Variants in PTPRU observed in about 807,000 individuals in gnomAD.
The protein encoded by PTPRU is receptor-type tyrosine-protein phosphatase U.
PTPRU carries 69 observed loss-of-function variants against 166.3 expected under a neutral mutation model. The observed-to-expected ratio is 0.41, with a 90% CI of 0.34 to 0.51. The LOEUF (loss-of-function observed/expected upper bound fraction) is 0.51. PTPRU is among the 20% of genes least tolerant of loss of function. The probability of loss-of-function intolerance (pLI) is 0.09; values close to 1 mark genes in which losing one functional copy is unlikely to be tolerated. For synonymous variants in PTPRU, 793 were observed against 814.0 expected (o/e 0.97, Z 0.44); for missense variants, 1,657 against 2,013.7 (o/e 0.82, Z 3.39).
intron 18 of PTPRU, among the ~76,000 whole-genome samples, chr1:29,310,450 T>C (rs1211053725): frequency 1.3e-5 from 2 of 152,124 alleles, no homozygotes; most frequent in East Asian, 3.9e-4. Flanking sequence ...GATGCCTCTC[T>C]CCACTTTATG....
At chr1:29,277,030 G>C (rs1249207271) in intron 8 of PTPRU, among the ~76,000 whole-genome samples, 1 of 152,144 alleles carries the variant, frequency 6.6e-6, no homozygotes, top group Admixed American at 6.5e-5. Flanking sequence ...TGTTATTTCT[G>C]TTATAATTTC....
At chr1:29,246,896 A>G (rs1684321798) in intron 1 of PTPRU, among the ~76,000 whole-genome samples, 1 of 152,082 alleles carries the variant, frequency 6.6e-6, no homozygotes, top group Non-Finnish European at 1.5e-5. Context: ...GATTACGGGC[A>G]TGAGCTACTG....
At chr1:29,269,239 TA>T (rs1557430850) in intron 7 of PTPRU, among the ~76,000 whole-genome samples, 230 of 48,700 alleles carry the variant, frequency 4.7e-3, no homozygotes, top group Admixed American at 8.3e-3. Context: ...TATATATATA[TA>T]TATATATTTT....
intron 1 of PTPRU, among the ~76,000 whole-genome samples, chr1:29,245,983 T>C (rs1255183575): frequency 6.6e-6 from 1 of 152,274 alleles, no homozygotes; most frequent in Non-Finnish European, 1.5e-5. Context: ...ACAGATGGCA[T>C]GCTACCACAA....
Position 29,315,915 on chromosome 1 carries a change from T to A in PTPRU, c.3364-87T>A. 1 of 1,505,250 alleles carries A rather than the reference T, an allele frequency of 6.6e-7. No individual in the cohort carries two copies. Among genetic ancestry groups the A allele is most frequent in the East Asian group, 2.3e-5 (1 of 43,552 alleles). The allele number at this position is 1,505,250 out of a possible 1,614,324, so 93.2% of individuals were successfully genotyped here. On this transcript the variant is annotated intron_variant, in intron 23 of 29. Coordinates refer to ENST00000373779, the MANE Select transcript of PTPRU (RefSeq NM_133178.4). The surrounding 1 kb of genome is among the most constrained non-coding windows in gnomAD (Gnocchi z 4.5). ...TGGCCTCCACCTCAGGACACCCTGC[T>A]TCAACCTTGAGCTTGCTTAAGCCCC...
chr1:29,260,735 A>C lies in PTPRU; in HGVS notation c.976A>C (p.Met326Leu), dbSNP rs1184974004. 3 of 1,610,220 alleles carry C rather than the reference A, an allele frequency of 1.9e-6. No homozygotes were observed. In the East Asian group the frequency reaches 6.7e-5, roughly 36 times the overall value. ...PIVRKEIEYR[M>L]ARGPWAEVHA... is the part of the protein sequence containing the mutation. ...CGTGCGCAAGGAGATTGAGTACCGC[A>C]TGGCGCGCGGGCCCTGGGCTGAGGT... Residue 326 changes from methionine to leucine, a missense_variant, in exon 7 of 30, where the codon ATG becomes CTG. By Grantham distance (15) the Met-to-Leu change is conservative. Around this residue, in one of 3 missense-constraint regions of PTPRU, gnomAD observed 453 missense variants for 496.9 expected, o/e 0.91. Transcript: ENST00000373779. This position sits in a 1 kb window ranked among gnomAD's most constrained non-coding sequence, Gnocchi z 8.3.
intron 28 of PTPRU, 150 bp downstream of exon 28, chr1:29,323,938 A>G (rs1574738578): frequency 1.9e-6 from 2 of 1,054,996 alleles, no homozygotes; most frequent in Non-Finnish European, 2.7e-6. Flanking sequence ...ATGCTGCCCA[A>G]CCAGCCAAGG....
intron 25 of PTPRU, 116 bp downstream of exon 25, chr1:29,318,037 T>A: frequency 7.4e-7 from 1 of 1,352,608 alleles, no homozygotes; most frequent in Middle Eastern, 1.9e-4. Flanking sequence ...CTGCCCATTC[T>A]GGGGAACAGG....
chr1:29,298,878 T>C (rs1386555062), intron 15 of PTPRU, among the ~76,000 whole-genome samples: 2 of 152,140 alleles, frequency 1.3e-5, no homozygotes, highest in Non-Finnish European at 2.9e-5. Flanking sequence ...GCCCCTGCCA[T>C]ACGGATATTC....
chr1:29,314,869 G>A (rs756993674), intron 22 of PTPRU, among the ~76,000 whole-genome samples: 11 of 152,142 alleles, frequency 7.2e-5, no homozygotes, highest in East Asian at 1.9e-4. Flanking sequence ...CTGAGCCACC[G>A]TGCCTGGCCA....
At chr1:29,308,560 C>T (rs1687504255) in intron 18 of PTPRU, among the ~76,000 whole-genome samples, 1 of 95,108 alleles carries the variant, frequency 1.1e-5, no homozygotes, top group Admixed American at 1.1e-4. Flanking sequence ...GAGCCAGTCC[C>T]TGTCTCAAAA....
intron 7 of PTPRU, among the ~76,000 whole-genome samples, chr1:29,268,469 A>C (rs891610487): frequency 6.6e-6 from 1 of 152,210 alleles, no homozygotes; most frequent in Admixed American, 6.5e-5. Flanking sequence ...CAATGCACAG[A>C]CAGCCACATA....
rs143670953 is a variant in PTPRU, at chr1:29,312,654, C to T, written c.3175C>T (p.Arg1059Cys). The T allele has an allele frequency of 8.3e-5, 134 of 1,611,520 alleles. No individual in the cohort carries two copies. Among genetic ancestry groups the T allele is most frequent in the Non-Finnish European group, 1.1e-4 (125 of 1,178,326 alleles). The change falls in exon 22 of 30, where the codon CGC (arginine) becomes TGC (cysteine). Residue 1059 changes from arginine (R) to cysteine (C), a missense_variant. Physicochemically the swap from Arg to Cys is radical, Grantham distance 180. Coordinates refer to ENST00000373779, the MANE Select transcript of PTPRU (RefSeq NM_133178.4). ...CACGGGGCTGCTGGCTTTCATCCGG[C>T]GCGTGAAGGCCTCCACCCCACCTGA... ...HATGLLAFIR[R>C]VKASTPPDAG... is the part of the protein sequence containing the mutation.
chr1:29,278,087 C>T (rs1685900454), intron 8 of PTPRU, among the ~76,000 whole-genome samples: 1 of 152,022 alleles, frequency 6.6e-6, no homozygotes, highest in Non-Finnish European at 1.5e-5. Context: ...CCCAAAGGTG[C>T]TGGGATTACA....
At chr1:29,256,829 C>T (rs1038470780) in intron 2 of PTPRU, among the ~76,000 whole-genome samples, 2 of 152,148 alleles carry the variant, frequency 1.3e-5, no homozygotes, top group Non-Finnish European at 2.9e-5. Context: ...ATAGTACTGA[C>T]CACCCTGAGT....
At chr1:29,273,342 C>G (rs572255810) in intron 7 of PTPRU, among the ~76,000 whole-genome samples, 2 of 152,188 alleles carry the variant, frequency 1.3e-5, no homozygotes, top group Non-Finnish European at 2.9e-5. Flanking sequence ...GATCATGGCT[C>G]ACTGCAGCCT....
At chr1:29,299,189 TCCAAA>T (rs1213895540) in intron 15 of PTPRU, among the ~76,000 whole-genome samples, 2 of 152,144 alleles carry the variant, frequency 1.3e-5, no homozygotes, top group African/African-American at 4.8e-5. Flanking sequence ...TCTCTCTGAC[TCCAAA>T]CCTAGTGTTC....
At position 29,258,642 on chromosome 1, in the gene PTPRU, G is replaced by A; in HGVS notation, c.343G>A (p.Gly115Ser). ...FLYSRDGHSP[G>S]TLGVYVRVNG... ...GTACAGCCGGGACGGGCACAGCCCG[G>A]GCACCCTGGGCGTCTACGTGCGCGT... The change falls in exon 3 of 30, where the codon GGC becomes AGC. Residue 115 changes from glycine to serine, a missense_variant. Physicochemically the swap from Gly to Ser is moderately conservative, Grantham distance 56. Coordinates refer to ENST00000373779, the MANE Select transcript of PTPRU (RefSeq NM_133178.4). 1.2e-6 allele frequency: 2 copies of A among 1,614,234 alleles called. No homozygotes were observed. Among genetic ancestry groups the A allele is most frequent in the Non-Finnish European group, 1.7e-6 (2 of 1,180,038 alleles).
chr1:29,275,816 T>C, intron 8 of PTPRU, 60 bp downstream of exon 8: 1 of 1,547,902 alleles, frequency 6.5e-7, no homozygotes, highest in Non-Finnish European at 8.8e-7. Context: ...ACGCCATGTC[T>C]GAGACTGAAA....
Sources: allele counts gnomAD v4.1 joint callset (sites outside exome capture counted in the v4.1 genomes callset), GRCh38; gene constraint gnomAD v4.1.1; regional missense constraint gnomAD v4.1.1; non-coding constraint Gnocchi (gnomAD v3.1); transcripts MANE v1.5; gene names NCBI Gene and HGNC (gene_info 2026-07-23, HGNC 2026-07-21).